PRKG2: variants seen among roughly 807,000 people sequenced by gnomAD.
The protein encoded by PRKG2 is protein kinase cGMP-dependent 2.
Under a neutral mutation model 97.2 loss-of-function variants are expected in PRKG2, and 33 were observed. That is an observed-to-expected ratio of 0.34 (90% CI 0.26 to 0.45). The LOEUF (loss-of-function observed/expected upper bound fraction) is 0.45. Ranked by LOEUF, PRKG2 falls within the 20% of genes least tolerant of loss-of-function variation. PRKG2 has a pLI of 1.00. For synonymous variants in PRKG2, 330 were observed against 321.8 expected (o/e 1.03, Z -0.27); for missense variants, 638 against 900.0 (o/e 0.71, Z 3.73).
Position 81,204,633 on chromosome 4 carries a change from GT to G in PRKG2, c.414del (p.Lys138AsnfsTer32). On this transcript the variant is annotated frameshift_variant, in exon 2 of 19. Coordinates refer to ENST00000264399, the MANE Select transcript of PRKG2 (RefSeq NM_006259.3). LOFTEE classifies it high-confidence loss of function. ...GCTTTCTCAAAGGAAAATTCAGGGG[GT>G]TTGTTCAGGTCATAGGTCCGGGTTG... ...EPTTRTYDLNKPPEFSFEKAR... is the reference protein window; with the variant it reads ...EPTTRTYDLNXPPEFSFEKAR... 1.2e-6 allele frequency: 2 copies of G among 1,614,142 alleles called. No homozygotes were observed. The highest frequency in any genetic ancestry group is 1.7e-6 in the Non-Finnish European group (2 of 1,180,020).
At chr4:81,150,902 C>T (rs571989795) in intron 8 of PRKG2, among the ~76,000 whole-genome samples, 31 of 152,096 alleles carry the variant, frequency 2.0e-4, no homozygotes, top group Admixed American at 4.6e-4. Flanking sequence ...AGTTCATTAC[C>T]GGCTATAAAG....
At chr4:81,189,825 C>T (rs1752317706) in intron 2 of PRKG2, among the ~76,000 whole-genome samples, 1 of 151,938 alleles carries the variant, frequency 6.6e-6, no homozygotes, top group African/African-American at 2.4e-5. Context: ...CTCCCATTCA[C>T]AATTGCTACA....
intron 1 of PRKG2, among the ~76,000 whole-genome samples, chr4:81,211,410 G>C (rs1182475482): frequency 6.6e-6 from 1 of 152,158 alleles, no homozygotes; most frequent in Non-Finnish European, 1.5e-5. Flanking sequence ...AAAGCTGATA[G>C]CACAGTCAAG....
intron 14 of PRKG2, among the ~76,000 whole-genome samples, chr4:81,112,449 T>C (rs1744082814): frequency 6.6e-6 from 1 of 152,234 alleles, no homozygotes; most frequent in Non-Finnish European, 1.5e-5. Context: ...AATATTGTTT[T>C]GTTGGTTTAT....
chr4:81,197,953 G>C (rs1038839008), intron 2 of PRKG2, among the ~76,000 whole-genome samples: 1 of 152,190 alleles, frequency 6.6e-6, no homozygotes, highest in Non-Finnish European at 1.5e-5. Flanking sequence ...CTCAGCCAAG[G>C]CTAGGTACTG....
At chr4:81,217,040 T>TATATATATATAC (rs1560637089), upstream of PRKG2, among the ~76,000 whole-genome samples, 1 of 140,092 alleles carries the variant, frequency 7.1e-6, no homozygotes, top group African/African-American at 2.8e-5. Context: ...TGTATATATA[T>TATATATATATAC]ATATATATAT....
At chr4:81,152,943 A>G (rs980416609) in intron 7 of PRKG2, among the ~76,000 whole-genome samples, 4 of 152,184 alleles carry the variant, frequency 2.6e-5, no homozygotes, top group African/African-American at 9.7e-5. Flanking sequence ...CCCTGATGGT[A>G]AACCCTTCCA....
chr4:81,156,048 C>A (rs941537100), intron 6 of PRKG2, among the ~76,000 whole-genome samples: 1 of 151,894 alleles, frequency 6.6e-6, no homozygotes, highest in Non-Finnish European at 1.5e-5. Context: ...CAGCTAACAT[C>A]ATAATGACAG....
rs769417840 is a variant in PRKG2 at position 81,142,920 on chromosome 4, G to A, written c.1281C>T (p.Ser427=). 1 of 1,612,056 alleles carries A rather than the reference G, an allele frequency of 6.2e-7. No individual in the cohort carries two copies. Among genetic ancestry groups the A allele is most frequent in the Non-Finnish European group, 8.5e-7 (1 of 1,178,716 alleles). Reference sequence around the variant, plus strand: ...GAATCATTTCCAGAGAGAGTGCTTTGGACAGCTTCCAGTTAGACATGGACC... The same window carrying A: ...GAATCATTTCCAGAGAGAGTGCTTTAGACAGCTTCCAGTTAGACATGGACC... ...AKRSMSNWKL[S]KALSLEMIQL... Residue 427 remains serine, a synonymous_variant, in exon 11 of 19, where the codon TCC becomes TCT. Coordinates refer to ENST00000264399, the MANE Select transcript of PRKG2 (RefSeq NM_006259.3).
intron 14 of PRKG2, among the ~76,000 whole-genome samples, chr4:81,131,379 C>A (rs1746162144): frequency 6.6e-6 from 1 of 152,234 alleles, no homozygotes; most frequent in Non-Finnish European, 1.5e-5. Flanking sequence ...CTGCATTGAT[C>A]TCGCTGTGAG....
At chr4:81,101,473 A>C (rs1055587591) in intron 17 of PRKG2, among the ~76,000 whole-genome samples, 47 of 151,052 alleles carry the variant, frequency 3.1e-4, no homozygotes, top group African/African-American at 1.1e-3. Flanking sequence ...AGGACAAAAA[A>C]CCAAATACTT....
At chr4:81,142,662 T>G in intron 11 of PRKG2, 132 bp downstream of exon 11, 2 of 1,176,772 alleles carry the variant, frequency 1.7e-6, no homozygotes, top group Non-Finnish European at 2.3e-6. Context: ...AAGTTTACTT[T>G]CTCAATTTCA....
intron 8 of PRKG2, among the ~76,000 whole-genome samples, chr4:81,151,085 A>C (rs1375810717): frequency 6.6e-6 from 1 of 152,082 alleles, no homozygotes; most frequent in Non-Finnish European, 1.5e-5. Context: ...TACTTATGTA[A>C]ACCTGATCTA....
chr4:81,182,378 A>C (rs1751493434), intron 2 of PRKG2, among the ~76,000 whole-genome samples: 1 of 152,002 alleles, frequency 6.6e-6, no homozygotes, highest in Admixed American at 6.5e-5. Context: ...CTTTTGGCAA[A>C]TTAAGTATAG....
At chr4:81,113,953 G>T (rs780387492) in intron 14 of PRKG2, among the ~76,000 whole-genome samples, 4 of 152,142 alleles carry the variant, frequency 2.6e-5, no homozygotes, top group Non-Finnish European at 5.9e-5. Context: ...TAAGATATGG[G>T]ATGAATGAGT....
chr4:81,125,386 T>C (rs1196084356), intron 14 of PRKG2, among the ~76,000 whole-genome samples: 1 of 152,222 alleles, frequency 6.6e-6, no homozygotes, highest in East Asian at 1.9e-4. Context: ...CAAGGAATCA[T>C]GCAGAAGATA....
chr4:81,133,796 G>GT (rs138470285), intron 14 of PRKG2, among the ~76,000 whole-genome samples: 10 of 151,472 alleles, frequency 6.6e-5, no homozygotes, highest in East Asian at 1.9e-4. Flanking sequence ...TGTGAAATAT[G>GT]TTTTTTTTAA....
intron 8 of PRKG2, among the ~76,000 whole-genome samples, chr4:81,150,272 C>T (rs1003949225): frequency 1.3e-5 from 2 of 152,136 alleles, no homozygotes; most frequent in Non-Finnish European, 2.9e-5. Flanking sequence ...AGAATATTCT[C>T]TGCAAACATT....
intron 4 of PRKG2, 136 bp downstream of exon 4, chr4:81,171,555 G>A: frequency 3.5e-6 from 2 of 578,958 alleles, no homozygotes; most frequent in Non-Finnish European, 5.6e-6. Flanking sequence ...CCCTTAATAG[G>A]CATAGCATTT....
Sources: allele counts gnomAD v4.1 joint callset (sites outside exome capture counted in the v4.1 genomes callset), GRCh38; gene constraint gnomAD v4.1.1; transcripts MANE v1.5; gene names NCBI Gene and HGNC (gene_info 2026-07-23, HGNC 2026-07-21).